KIF6: variants seen among roughly 807,000 people sequenced by gnomAD.
KIF6 encodes kinesin-like protein KIF6.
A neutral mutation model predicts 112.7 loss-of-function variants in KIF6; 106 were observed. The ratio of observed to expected loss-of-function variants is 0.94; its 90% CI spans 0.80 to 1.11. The LOEUF is 1.11. Among genes scored for constraint, KIF6 ranks in the 50% least tolerant of loss-of-function variants. KIF6 has a pLI of 0.00. For synonymous variants in KIF6, 339 were observed against 339.9 expected, an observed-to-expected ratio of 1.00 and a Z score of 0.03; for missense variants, 929 against 964.0, an observed-to-expected ratio of 0.96 and a Z score of 0.48.
intron 12 of KIF6, among the ~76,000 whole-genome samples, chr6:39,542,821 T>C (rs1319548056): frequency 6.6e-6 from 1 of 152,210 alleles, no homozygotes; most frequent in Admixed American, 6.5e-5. Flanking sequence ...GAAAGCAATG[T>C]CACTGAGTAG....
chr6:39,331,868 C>T lies in KIF6; in HGVS notation c.*4664G>A, dbSNP rs1258334704. 2 of 152,172 alleles carry T rather than the reference C, an allele frequency of 1.3e-5. No individual in the cohort carries two copies. The highest frequency in any genetic ancestry group is 4.8e-5 in the African/African-American group (2 of 41,444). The allele number at this position is 152,172 out of a possible 1,614,324, so 9.4% of individuals were successfully genotyped here. A position where few individuals can be genotyped will look rare whatever the true frequency, so the allele number is the denominator to read the frequency against. ...TTTTTCTGCCTAGATTTGAAACACA[C>T]ACCCATTGCATTTTAAAAAATGTTT... On this transcript the variant is annotated 3_prime_UTR_variant, in exon 23 of 23. Coordinates refer to ENST00000287152, the MANE Select transcript of KIF6 (RefSeq NM_145027.6).
At chr6:39,463,688 A>G (rs1773618213) in intron 13 of KIF6, among the ~76,000 whole-genome samples, 2 of 152,234 alleles carry the variant, frequency 1.3e-5, no homozygotes, top group Non-Finnish European at 2.9e-5. Flanking sequence ...CACTTTTTAA[A>G]TCTTATTTAA....
At chr6:39,573,227 T>C (rs17458832) in intron 10 of KIF6, among the ~76,000 whole-genome samples, 18,805 of 151,824 alleles carry the variant, frequency 0.12, 1,300 homozygotes, top group Middle Eastern at 0.23. Flanking sequence ...CCTGGAGAGT[T>C]TGGGCGCAAT....
At chr6:39,695,298 A>G (rs1214401352) in intron 3 of KIF6, among the ~76,000 whole-genome samples, 1 of 152,164 alleles carries the variant, frequency 6.6e-6, no homozygotes, top group Non-Finnish European at 1.5e-5. Flanking sequence ...CAAATGCAAC[A>G]AAAACAAAAA....
At chr6:39,587,062 C>G (rs1781676981) in intron 7 of KIF6, among the ~76,000 whole-genome samples, 1 of 152,144 alleles carries the variant, frequency 6.6e-6, no homozygotes, top group African/African-American at 2.4e-5. Flanking sequence ...GACCTTGGTT[C>G]AATTCAGGCT....
At chr6:39,717,530 A>AC (rs1406447364) in intron 2 of KIF6, among the ~76,000 whole-genome samples, 2 of 149,106 alleles carry the variant, frequency 1.3e-5, no homozygotes, top group Non-Finnish European at 3.0e-5. Context: ...CCTCTCCTTC[A>AC]CCCCCCTCAT....
intron 16 of KIF6, among the ~76,000 whole-genome samples, chr6:39,375,223 G>A (rs539344144): frequency 1.3e-5 from 2 of 152,290 alleles, no homozygotes; most frequent in East Asian, 3.9e-4. Flanking sequence ...AGGAGAGGGA[G>A]ATGTTGGTCA....
chr6:39,471,541 T>C (rs145894156), intron 13 of KIF6, among the ~76,000 whole-genome samples: 202 of 152,328 alleles, frequency 1.3e-3, no homozygotes, highest in African/African-American at 3.8e-3. Context: ...GCCACACCTC[T>C]TCAGCAAATG....
chr6:39,433,969 G>A (rs1927774), intron 13 of KIF6, among the ~76,000 whole-genome samples: 50,455 of 151,956 alleles, frequency 0.33, 10,346 homozygotes, highest in African/African-American at 0.58. Context: ...GTTAATGAAC[G>A]GCTTTTATTT....
intron 3 of KIF6, among the ~76,000 whole-genome samples, chr6:39,666,690 GT>G (rs918458097): frequency 6.6e-6 from 1 of 152,164 alleles, no homozygotes; most frequent in Non-Finnish European, 1.5e-5. Context: ...GACAAAGGAT[GT>G]TTTTTGAAGG....
Position 39,596,014 on chromosome 6 carries a change from T to C in KIF6, c.846+40A>G, listed in dbSNP as rs752805848. The stretch of plus-strand genomic sequence containing the variant: ...TACATAGTATGTGGTCAACACATGG[T>C]AGCTATAGTTATTAATACATCCCAC... On this transcript the variant is annotated intron_variant, in intron 7 of 22. Transcript: ENST00000287152. 3 of 1,487,900 alleles carry C rather than the reference T, an allele frequency of 2.0e-6. No homozygotes were observed. In the South Asian group the frequency reaches 3.4e-5, roughly 17 times the overall value. 92.2% of individuals were successfully genotyped at this position (1,487,900 alleles called of 1,614,324 possible). A position where few individuals can be genotyped will look rare whatever the true frequency, so the allele number is the denominator to read the frequency against.
Position 39,343,932 on chromosome 6 carries a change from G to T in KIF6, c.2322-117C>A. On this transcript the variant is annotated intron_variant, in intron 21 of 22. Coordinates refer to ENST00000287152, the MANE Select transcript of KIF6 (RefSeq NM_145027.6). The surrounding 1 kb of genome is among the most constrained non-coding windows in gnomAD (Gnocchi z 4.1). ...TCTCACTCAGAAAGCTACATGACAC[G>T]GCTGGCCTGCTTCTCACTCCCTCCT... 1.7e-6 allele frequency: 1 copy of T among 597,304 alleles called. No individual in the cohort carries two copies. Among genetic ancestry groups the T allele is most frequent in the East Asian group, 3.0e-5 (1 of 33,554 alleles). 37.0% of individuals were successfully genotyped at this position (597,304 alleles called of 1,614,324 possible).
At chr6:39,689,755 C>T (rs1788079192) in intron 3 of KIF6, among the ~76,000 whole-genome samples, 1 of 152,036 alleles carries the variant, frequency 6.6e-6, no homozygotes, top group South Asian at 2.1e-4. Flanking sequence ...CAGGCATACA[C>T]CTCCATGCTA....
chr6:39,425,368 T>C (rs79584986), intron 14 of KIF6, among the ~76,000 whole-genome samples: 3 of 152,186 alleles, frequency 2.0e-5, no homozygotes, highest in Admixed American at 2.0e-4. Flanking sequence ...GCCATTTTTT[T>C]CCTCCATAAA....
chr6:39,692,536 A>G (rs1788278734), intron 3 of KIF6, among the ~76,000 whole-genome samples: 1 of 152,202 alleles, frequency 6.6e-6, no homozygotes, highest in Non-Finnish European at 1.5e-5. Context: ...ACATTGTGGA[A>G]GCTTTGCACT....
intron 16 of KIF6, among the ~76,000 whole-genome samples, chr6:39,364,149 C>T (rs1004140597): frequency 3.3e-5 from 5 of 151,398 alleles, no homozygotes; most frequent in Admixed American, 6.6e-5. Context: ...TAGAGTGCAG[C>T]AGCGCGATCT....
intron 15 of KIF6, among the ~76,000 whole-genome samples, chr6:39,387,114 C>T (rs950481788): frequency 2.0e-5 from 3 of 152,088 alleles, no homozygotes; most frequent in Non-Finnish European, 4.4e-5. Flanking sequence ...ATTTAGGAAT[C>T]CCTTCTACAG....
At chr6:39,345,290 AG>A (rs1244876833) in intron 21 of KIF6, among the ~76,000 whole-genome samples, 1 of 152,206 alleles carries the variant, frequency 6.6e-6, no homozygotes, top group Non-Finnish European at 1.5e-5. Context: ...CAGCCATTCT[AG>A]CCGGAGGATA....
intron 7 of KIF6, among the ~76,000 whole-genome samples, chr6:39,588,644 C>A (rs538348523): frequency 2.0e-5 from 3 of 152,238 alleles, no homozygotes; most frequent in African/African-American, 7.2e-5. Flanking sequence ...TCTTGATTTT[C>A]TTTCCTCTCT....
Sources: gnomAD v4.1 joint callset for allele counts (sites outside exome capture counted in the v4.1 genomes callset) on GRCh38, gnomAD v4.1.1 for gene constraint, Gnocchi (gnomAD v3.1) non-coding constraint, MANE v1.5 for transcripts, NCBI Gene and HGNC (gene_info 2026-07-23, HGNC 2026-07-21) for gene names.